Variants in CNST observed in about 807,000 individuals in gnomAD.
CNST encodes consortin.
In CNST, 39 loss-of-function variants were observed where a neutral mutation model predicts 72.4. That is an observed-to-expected ratio of 0.54 (90% CI 0.42 to 0.70). The LOEUF is 0.70. Ranked by LOEUF, CNST falls within the 30% of genes least tolerant of loss-of-function variation. The pLI is 0.00. For missense variants in CNST, 871 were observed against 868.5 expected (o/e 1.00, Z -0.04); for synonymous variants, 332 against 320.1 (o/e 1.04, Z -0.40).
intron 9 of CNST, among the ~76,000 whole-genome samples, chr1:246,657,298 G>A (rs1376432455): frequency 6.6e-6 from 1 of 152,070 alleles, no homozygotes; most frequent in Non-Finnish European, 1.5e-5. Flanking sequence ...TTGGCCCACC[G>A]TCCCTTGTTC....
At chr1:246,645,484 G>A (rs1232722253) in intron 8 of CNST, among the ~76,000 whole-genome samples, 1 of 141,154 alleles carries the variant, frequency 7.1e-6, no homozygotes, top group Non-Finnish European at 1.5e-5. Context: ...CTGGAGTGCA[G>A]TGGCGCAATC....
chr1:246,657,354 C>G (rs953335659), intron 9 of CNST, among the ~76,000 whole-genome samples: 1 of 151,992 alleles, frequency 6.6e-6, no homozygotes, highest in African/African-American at 2.4e-5. Flanking sequence ...AACAGAAAGA[C>G]CTAGAGAAGA....
chr1:246,614,661 G>A (rs1202765411), intron 2 of CNST, among the ~76,000 whole-genome samples: 4 of 152,018 alleles, frequency 2.6e-5, no homozygotes, highest in South Asian at 2.1e-4. Flanking sequence ...TAGTTGGGAC[G>A]GGGTTTCACC....
At position 246,652,127 on chromosome 1, in the gene CNST, T is replaced by C. The variant is rs192670058; in HGVS notation, c.1836+4090T>C. Among the ~76,000 whole-genome samples the C allele has an allele frequency of 2.3e-3, 347 of 152,338 alleles. 7 individuals carry two copies. The highest frequency in any genetic ancestry group is 9.3e-4 in the Non-Finnish European group (63 of 68,028). On this transcript the variant is annotated intron_variant, in intron 9 of 10. Transcript: ENST00000366513. The stretch of plus-strand genomic sequence containing the variant: ...TAATACACTGACGTGATGATTTTAG[T>C]GTCAGAACCCAAACCCCCTTTACTC...
chr1:246,652,733 A>ATGTG (rs1558593812), intron 9 of CNST, among the ~76,000 whole-genome samples: 14 of 151,498 alleles, frequency 9.2e-5, no homozygotes, highest in East Asian at 5.9e-4. Context: ...GGCCGGGCAC[A>ATGTG]GTGGCTCACG....
intron 3 of CNST, among the ~76,000 whole-genome samples, chr1:246,631,652 T>G (rs1018853835): frequency 7.2e-5 from 11 of 152,148 alleles, no homozygotes; most frequent in Non-Finnish European, 1.3e-4. Flanking sequence ...TGAGGTAGAG[T>G]AGGAAGAATG....
intron 3 of CNST, among the ~76,000 whole-genome samples, chr1:246,625,027 T>C (rs1292645280): frequency 6.6e-6 from 1 of 152,222 alleles, no homozygotes; most frequent in Non-Finnish European, 1.5e-5. Context: ...ATTTGCATTA[T>C]GACACTTCAC....
chr1:246,664,710 G>A (rs1446733663), intron 10 of CNST, among the ~76,000 whole-genome samples: 2 of 152,162 alleles, frequency 1.3e-5, no homozygotes, highest in Admixed American at 1.3e-4. Flanking sequence ...ACAGGCGTGA[G>A]CCACCACACC....
intron 2 of CNST, among the ~76,000 whole-genome samples, chr1:246,608,444 A>C (rs1201158138): frequency 6.6e-6 from 1 of 152,270 alleles, no homozygotes; most frequent in African/African-American, 2.4e-5. Context: ...TAAAGTGTAA[A>C]ATGTCTAATC....
chr1:246,567,600 G>C (rs1235679397), intron 1 of CNST, among the ~76,000 whole-genome samples: 4 of 152,154 alleles, frequency 2.6e-5, no homozygotes, highest in Non-Finnish European at 4.4e-5. Flanking sequence ...CCAGCAAATA[G>C]TCTGAAGATT....
At chr1:246,650,237 A>G (rs899745838) in intron 9 of CNST, among the ~76,000 whole-genome samples, 7 of 152,150 alleles carry the variant, frequency 4.6e-5, no homozygotes, top group Non-Finnish European at 8.8e-5. Flanking sequence ...AACAGCTAAC[A>G]GTGGAAATTA....
chr1:246,566,637 A>G lies in CNST; in HGVS notation c.-78A>G. 1 of 401,826 alleles carries G rather than the reference A, an allele frequency of 2.5e-6. No homozygotes were observed. The allele number at this position is 401,826 out of a possible 1,614,324, so 24.9% of individuals were successfully genotyped here. On this transcript the variant is annotated 5_prime_UTR_variant, in exon 1 of 11. The change abolishes the stop of an existing upstream ORF in the 5' untranslated region. Transcript: ENST00000366513. ...GGAAACAGACCCGGCGCCCAGCGGT[A>G]GCCCTCCTTGCGCCTCCGATTCCCA...
intron 6 of CNST, among the ~76,000 whole-genome samples, chr1:246,640,521 C>T (rs1665618891): frequency 6.6e-6 from 1 of 152,124 alleles, no homozygotes; most frequent in Non-Finnish European, 1.5e-5. Flanking sequence ...ATCCAGATTT[C>T]TGAAGACAAA....
chr1:246,572,471 G>A (rs1222139938), intron 1 of CNST, among the ~76,000 whole-genome samples: 1 of 152,026 alleles, frequency 6.6e-6, no homozygotes, highest in Non-Finnish European at 1.5e-5. Flanking sequence ...TAGATGAACT[G>A]AAAAACATTG....
intron 1 of CNST, among the ~76,000 whole-genome samples, chr1:246,581,309 A>G (rs1660768789): frequency 6.6e-6 from 1 of 152,020 alleles, no homozygotes; most frequent in East Asian, 1.9e-4. Context: ...TTTGTTGCCC[A>G]GGCTGGAGTG....
At chr1:246,601,694 T>C (rs2103039480) in intron 2 of CNST, among the ~76,000 whole-genome samples, 1 of 152,278 alleles carries the variant, frequency 6.6e-6, no homozygotes, top group African/African-American at 2.4e-5. Flanking sequence ...CTCAGGAGGC[T>C]GAGGCGGGAG....
chr1:246,642,046 T>C lies in CNST; in HGVS notation c.937+9T>C. The C allele has an allele frequency of 6.4e-7, 1 of 1,565,170 alleles. No individual in the cohort carries two copies. Among genetic ancestry groups the C allele is most frequent in the East Asian group, 2.3e-5 (1 of 44,108 alleles). On this transcript the variant is annotated intron_variant, in intron 8 of 10. Coordinates refer to ENST00000366513, the MANE Select transcript of CNST (RefSeq NM_152609.3). Reference sequence around the variant, plus strand: ...TACCACCAAAGAGTCAGGTATGTTTTTAACTTAAGCTATGGAGCAACGTAA... The same window carrying C: ...TACCACCAAAGAGTCAGGTATGTTTCTAACTTAAGCTATGGAGCAACGTAA...
intron 2 of CNST, among the ~76,000 whole-genome samples, chr1:246,596,259 A>G (rs953129756): frequency 2.0e-5 from 3 of 152,108 alleles, no homozygotes; most frequent in Admixed American, 6.6e-5. Flanking sequence ...TACAAAAAGT[A>G]AAATAATTAG....
chr1:246,646,212 G>A (rs543172132), intron 8 of CNST, among the ~76,000 whole-genome samples: 81 of 148,396 alleles, frequency 5.5e-4, no homozygotes, highest in African/African-American at 1.8e-3. Context: ...CCCGGGAGGC[G>A]GAGCTTGCAG....
Sources: allele counts gnomAD v4.1 joint callset (sites outside exome capture counted in the v4.1 genomes callset), GRCh38; gene constraint gnomAD v4.1.1; transcripts MANE v1.5; gene names NCBI Gene and HGNC (gene_info 2026-07-23, HGNC 2026-07-21).